The following STON2 variants were observed in gnomAD, a reference collection of about 807,000 sequenced individuals.
STON2 encodes the protein stonin 2.
A neutral mutation model predicts 65.7 loss-of-function variants in STON2; 29 were observed. That is an observed-to-expected ratio of 0.44 (90% confidence interval 0.33 to 0.60). STON2 has a LOEUF of 0.60. STON2 is among the 20% of genes least tolerant of loss of function. The pLI, the probability that STON2 is intolerant of heterozygous loss-of-function variation, is 0.03. For missense variants in STON2, 1,054 were observed against 1,118.1 expected (o/e 0.94, Z 0.82); for synonymous variants, 404 against 414.2 (o/e 0.98, Z 0.30).
intron 5 of STON2, among the ~76,000 whole-genome samples, chr14:81,288,329 C>T (rs1251364765): frequency 6.6e-6 from 1 of 152,154 alleles, no homozygotes; most frequent in East Asian, 1.9e-4. Flanking sequence ...AGTGTAGTTA[C>T]ACACACCTAG....
chr14:81,271,040 G>A (rs954939406), intron 6 of STON2, among the ~76,000 whole-genome samples, 168 bp from the exon 7 acceptor site: 3 of 152,112 alleles, frequency 2.0e-5, no homozygotes, highest in South Asian at 2.1e-4. Context: ...CAGAATTCAC[G>A]CTCCTGTATG....
chr14:81,291,934 G>C (rs1895574867), intron 5 of STON2, among the ~76,000 whole-genome samples: 1 of 151,500 alleles, frequency 6.6e-6, no homozygotes, highest in Non-Finnish European at 1.5e-5. Flanking sequence ...CTTTGTAAGA[G>C]TAGGCTATTA....
intron 4 of STON2, among the ~76,000 whole-genome samples, chr14:81,364,978 G>A (rs1898655514): frequency 6.6e-6 from 1 of 152,118 alleles, no homozygotes; most frequent in Non-Finnish European, 1.5e-5. Context: ...TAGCCAACTT[G>A]GGGATTTGTT....
At chr14:81,269,214 C>T in intron 7 of STON2, 1 of 593,922 alleles carries the variant, frequency 1.7e-6, no homozygotes, top group Non-Finnish European at 2.1e-6. Context: ...CCATATTGGC[C>T]AGGCTGTTCT....
In STON2 at chr14:81,265,189, C is replaced by T. The variant is rs572738876; in HGVS notation, c.*3225G>A. On this transcript the variant is annotated 3_prime_UTR_variant, in exon 8 of 8. Transcript: ENST00000614646. ...TAGGTTATTACATAGCTAATTTGCC[C>T]ACTTGTATTTTCTTTAGAAGTTATT... The T allele has an allele frequency of 1.0e-6, 1 of 984,876 alleles. No homozygotes were observed. Among genetic ancestry groups the T allele is most frequent in the South Asian group, 4.7e-5 (1 of 21,266 alleles). 61.0% of individuals were successfully genotyped at this position (984,876 alleles called of 1,614,324 possible).
chr14:81,282,686 G>A (rs1895172522), intron 5 of STON2, among the ~76,000 whole-genome samples: 1 of 152,160 alleles, frequency 6.6e-6, no homozygotes, highest in Non-Finnish European at 1.5e-5. Context: ...AAACTGCAAT[G>A]TTCCTTACAA....
At chr14:81,373,960 G>C (rs1899125697) in intron 3 of STON2, among the ~76,000 whole-genome samples, 1 of 141,514 alleles carries the variant, frequency 7.1e-6, no homozygotes, top group African/African-American at 2.7e-5. Flanking sequence ...CAGGTTAGTA[G>C]CCTCATGTAT....
At chr14:81,415,422 CTCAT>C in intron 2 of STON2, among the ~76,000 whole-genome samples, 1 of 152,128 alleles carries the variant, frequency 6.6e-6, no homozygotes, top group South Asian at 2.1e-4. Flanking sequence ...AATTCATTGA[CTCAT>C]TCATTCAATC....
At chr14:81,340,003 A>T (rs1897533920) in intron 4 of STON2, among the ~76,000 whole-genome samples, 1 of 151,728 alleles carries the variant, frequency 6.6e-6, no homozygotes, top group Non-Finnish European at 1.5e-5. Flanking sequence ...AAATACAAAA[A>T]ATTAGCCGGG....
chr14:81,263,063 A>C lies in STON2; in HGVS notation c.*5351T>G. The C allele has an allele frequency of 1.0e-6, 1 of 985,312 alleles. No individual in the cohort carries two copies. Among genetic ancestry groups the C allele is most frequent in the East Asian group, 1.1e-4 (1 of 8,804 alleles). 61.0% of individuals were successfully genotyped at this position (985,312 alleles called of 1,614,324 possible). A position where few individuals can be genotyped will look rare whatever the true frequency, so the allele number is the denominator to read the frequency against. On this transcript the variant is annotated 3_prime_UTR_variant, in exon 8 of 8. Coordinates refer to ENST00000614646, the MANE Select transcript of STON2 (RefSeq NM_001394390.1). ...ATGGTTTGAATGGGACTTAGTAGTAAAGTGTGTGAGACAGTGCATTTACCA... is the reference window on the plus strand; with the variant it reads ...ATGGTTTGAATGGGACTTAGTAGTACAGTGTGTGAGACAGTGCATTTACCA...
rs1300206770 is a variant in STON2, at chr14:81,396,021, A to G, written c.246T>C (p.Ala82=). ...GCTGCTCAGGGCTCCCAGGTGGGGA[A>G]GCTGCTTCAGAGATGAGGCCCATCT... ...SEKMGLISEA[A]SPPGSPEQPP... is the part of the protein sequence containing the mutation. Residue 82 remains alanine, a synonymous_variant, in exon 3 of 8, where the codon GCT becomes GCC. Coordinates refer to ENST00000614646, the MANE Select transcript of STON2 (RefSeq NM_001394390.1). 6.2e-7 allele frequency: 1 copy of G among 1,614,084 alleles called. No homozygotes were observed. The highest frequency in any genetic ancestry group is 1.3e-5 in the African/African-American group (1 of 74,922).
chr14:81,417,291 C>T (rs11847203), intron 2 of STON2, among the ~76,000 whole-genome samples: 3,835 of 150,300 alleles, frequency 0.026, 158 homozygotes, highest in African/African-American at 0.088. Context: ...CCCCGGCCCC[C>T]AGCTCTGCAA....
intron 2 of STON2, among the ~76,000 whole-genome samples, chr14:81,419,414 TTATA>T: frequency 6.6e-6 from 1 of 152,268 alleles, no homozygotes; most frequent in South Asian, 2.1e-4. Flanking sequence ...ACATAAAAGT[TTATA>T]TATATATTTA....
intron 2 of STON2, among the ~76,000 whole-genome samples, chr14:81,421,399 A>C (rs1376912206): frequency 6.6e-6 from 1 of 152,152 alleles, no homozygotes; most frequent in Non-Finnish European, 1.5e-5. Flanking sequence ...GGCAATGGAG[A>C]TCGATTAAAC....
chr14:81,419,069 C>T (rs1415805075), intron 2 of STON2, among the ~76,000 whole-genome samples: 6 of 151,646 alleles, frequency 4.0e-5, no homozygotes, highest in African/African-American at 1.5e-4. Flanking sequence ...AAACTCTCAA[C>T]TTAAATTTGT....
intron 3 of STON2, among the ~76,000 whole-genome samples, chr14:81,376,757 CAA>C (rs1899270344): frequency 6.6e-6 from 1 of 152,056 alleles, no homozygotes; most frequent in African/African-American, 2.4e-5. Context: ...AACAAATTAT[CAA>C]AGAGAATTTA....
chr14:81,336,963 T>A (rs1022957927), intron 4 of STON2, among the ~76,000 whole-genome samples: 2 of 152,136 alleles, frequency 1.3e-5, no homozygotes, highest in African/African-American at 4.8e-5. Context: ...GAGGTAGCTG[T>A]TGGGGAAGTT....
At chr14:81,337,260 T>C (rs1447408414) in intron 4 of STON2, among the ~76,000 whole-genome samples, 1 of 152,158 alleles carries the variant, frequency 6.6e-6, no homozygotes, top group Non-Finnish European at 1.5e-5. Context: ...GAATCAGACA[T>C]TGATATTGCT....
At position 81,398,437 on chromosome 14, in the gene STON2, A is replaced by T; in HGVS notation, c.-55T>A. 4 of 1,412,240 alleles carry T rather than the reference A, an allele frequency of 2.8e-6. No homozygotes were observed. Among genetic ancestry groups the T allele is most frequent in the Non-Finnish European group, 4.0e-6 (4 of 997,238 alleles). 87.5% of individuals were successfully genotyped at this position (1,412,240 alleles called of 1,614,324 possible). On this transcript the variant is annotated 5_prime_UTR_variant, in exon 2 of 8. Transcript: ENST00000614646. ...GCTGACCTCAGGTGAACCCCAGAAT[A>T]CTGTCTGGGGTGGGCTGGAGTAGGG... is the stretch of plus-strand genomic sequence containing the variant.
Sources: allele counts gnomAD v4.1 joint callset (sites outside exome capture counted in the v4.1 genomes callset), GRCh38; gene constraint gnomAD v4.1.1; transcripts MANE v1.5; gene names NCBI Gene and HGNC (gene_info 2026-07-23, HGNC 2026-07-21).